LRRFIP1: variants seen among roughly 807,000 people sequenced by gnomAD.
The protein encoded by LRRFIP1 is leucine-rich repeat flightless-interacting protein 1.
LRRFIP1 carries 62 observed loss-of-function variants against 104.4 expected under a neutral mutation model. The ratio of observed to expected loss-of-function variants is 0.59; its 90% confidence interval spans 0.48 to 0.73. LRRFIP1 has a LOEUF of 0.73. LRRFIP1 is among the 30% of genes least tolerant of loss of function. The probability of loss-of-function intolerance (pLI) is 0.00; values close to 1 mark genes in which losing one functional copy is unlikely to be tolerated. For missense variants in LRRFIP1, 796 were observed against 824.5 expected (o/e 0.97, Z 0.42); for synonymous variants, 300 against 299.0 (o/e 1.00, Z -0.03).
At chr2:237,712,060 G>A (rs78483614) in intron 2 of LRRFIP1, among the ~76,000 whole-genome samples, 1,589 of 152,332 alleles carry the variant, frequency 0.01, 22 homozygotes, top group African/African-American at 0.035. Flanking sequence ...AGAGAAGCCT[G>A]GGGCGGGGGG....
intron 11 of LRRFIP1, among the ~76,000 whole-genome samples, chr2:237,742,000 T>C (rs913314507): frequency 8.5e-5 from 13 of 152,336 alleles, no homozygotes; most frequent in African/African-American, 3.1e-4. Context: ...GCATTGTCTT[T>C]ATTCAAGCAT....
chr2:237,664,408 T>G (rs1277455823), intron 1 of LRRFIP1, among the ~76,000 whole-genome samples: 1 of 152,252 alleles, frequency 6.6e-6, no homozygotes, highest in African/African-American at 2.4e-5. Context: ...CATCAGCAAA[T>G]GACGGGGCCT....
At chr2:237,775,559 C>G (rs1371789498) in intron 23 of LRRFIP1, among the ~76,000 whole-genome samples, 1 of 152,184 alleles carries the variant, frequency 6.6e-6, no homozygotes, top group Non-Finnish European at 1.5e-5. Flanking sequence ...GGGCCGGGCG[C>G]GGTGGCTCAC....
chr2:237,730,543 G>C (rs1004528707), intron 8 of LRRFIP1, among the ~76,000 whole-genome samples: 1 of 152,176 alleles, frequency 6.6e-6, no homozygotes, highest in African/African-American at 2.4e-5. Context: ...CCGGAGACCA[G>C]TACAGGAGTG....
chr2:237,715,461 T>C (rs2094292446), intron 3 of LRRFIP1, among the ~76,000 whole-genome samples: 1 of 152,250 alleles, frequency 6.6e-6, no homozygotes. Context: ...CATTCATGCC[T>C]TTCTTGTGCT....
intron 19 of LRRFIP1, chr2:237,764,234 A>G (rs2060126057): frequency 1.9e-6 from 3 of 1,610,556 alleles, no homozygotes; most frequent in African/African-American, 1.3e-5. Context: ...TTCTAAATTC[A>G]TAGAGAGGCA....
chr2:237,719,487 G>C (rs758839299), intron 4 of LRRFIP1, 36 bp from the exon 5 acceptor site: 1 of 1,569,456 alleles, frequency 6.4e-7, no homozygotes, highest in East Asian at 2.2e-5. Context: ...GTGTCCATCT[G>C]TCTCTAACCT....
At chr2:237,648,531 C>A (rs1473416616) in intron 1 of LRRFIP1, among the ~76,000 whole-genome samples, 1 of 151,090 alleles carries the variant, frequency 6.6e-6, no homozygotes, top group Non-Finnish European at 1.5e-5. Context: ...AGTTTGAGAC[C>A]AGCCTGGTCA....
chr2:237,730,156 A>G (rs1226916665), intron 8 of LRRFIP1, among the ~76,000 whole-genome samples: 1 of 152,208 alleles, frequency 6.6e-6, no homozygotes, highest in Non-Finnish European at 1.5e-5. Flanking sequence ...AAATAATTAG[A>G]AGAATGCTCT....
chr2:237,755,122 A>G (rs2059114795), intron 15 of LRRFIP1, among the ~76,000 whole-genome samples: 1 of 152,182 alleles, frequency 6.6e-6, no homozygotes, highest in South Asian at 2.1e-4. Context: ...GCTGTCAGCA[A>G]AGTGAGTTGG....
intron 23 of LRRFIP1, among the ~76,000 whole-genome samples, chr2:237,777,150 T>C (rs1196738832): frequency 6.6e-6 from 1 of 152,190 alleles, no homozygotes; most frequent in Admixed American, 6.5e-5. Flanking sequence ...CACATATGTG[T>C]ATATGTGTAT....
intron 11 of LRRFIP1, among the ~76,000 whole-genome samples, chr2:237,743,602 CTCAT>C (rs2057408900): frequency 6.6e-6 from 1 of 152,194 alleles, no homozygotes; most frequent in African/African-American, 2.4e-5. Flanking sequence ...AGTTATTTCA[CTCAT>C]TCATTCAGTG....
chr2:237,770,230 C>A, intron 20 of LRRFIP1: 6 of 474,772 alleles, frequency 1.3e-5, no homozygotes. Flanking sequence ...AGACCCAAAG[C>A]CATGGAATTG....
intron 1 of LRRFIP1, among the ~76,000 whole-genome samples, chr2:237,689,126 T>C (rs1420781562): frequency 6.6e-6 from 1 of 152,084 alleles, no homozygotes; most frequent in Admixed American, 6.5e-5. Flanking sequence ...ACTTTAAAGT[T>C]ACCTGTATTA....
intron 11 of LRRFIP1, among the ~76,000 whole-genome samples, chr2:237,740,848 ATTCATCACTG>A (rs3832062): frequency 0.054 from 8,195 of 152,214 alleles, 335 homozygotes; most frequent in East Asian, 0.13. Context: ...CCCAGGTGCC[ATTCATCACTG>A]TGCAGCATGG....
chr2:237,690,582 C>T (rs1375468707), intron 1 of LRRFIP1, among the ~76,000 whole-genome samples: 1 of 151,762 alleles, frequency 6.6e-6, no homozygotes, highest in Non-Finnish European at 1.5e-5. Context: ...ACTAAAAATA[C>T]AAAAATGAGC....
chr2:237,722,637 C>T (rs1037600954), intron 6 of LRRFIP1, among the ~76,000 whole-genome samples: 15 of 152,318 alleles, frequency 9.8e-5, no homozygotes, highest in Admixed American at 3.3e-4. Flanking sequence ...TTTTCAGCCA[C>T]ATGACACTTT....
intron 1 of LRRFIP1, among the ~76,000 whole-genome samples, chr2:237,679,633 T>C (rs1018066525): frequency 6.6e-6 from 1 of 152,102 alleles, no homozygotes; most frequent in African/African-American, 2.4e-5. Context: ...TTTGAGACGG[T>C]GTATCGCTCT....
intron 22 of LRRFIP1, 64 bp downstream of exon 22, chr2:237,773,009 C>A (rs925355834): frequency 4.9e-5 from 68 of 1,379,752 alleles, no homozygotes; most frequent in Admixed American, 1.7e-4. Context: ...TAGAAATAGC[C>A]CTGAAAGGCT....
Sources: allele counts gnomAD v4.1 joint callset (sites outside exome capture counted in the v4.1 genomes callset), GRCh38; gene constraint gnomAD v4.1.1; transcripts MANE v1.5; gene names NCBI Gene and HGNC (gene_info 2026-07-23, HGNC 2026-07-21).